Variants in PKIG observed in about 807,000 individuals in gnomAD.
The protein encoded by PKIG is protein kinase (cAMP-dependent, catalytic) inhibitor gamma.
A neutral mutation model predicts 6.8 loss-of-function variants in PKIG; 1 was observed. That is an observed-to-expected ratio of 0.15 (90% confidence interval 0.05 to 0.69). The LOEUF is 0.69. Among genes scored for constraint, PKIG ranks in the 30% least tolerant of loss-of-function variants. PKIG has a pLI of 0.82. For missense variants in PKIG, 77 were observed against 104.0 expected (o/e 0.74, Z 1.13); for synonymous variants, 39 against 43.0 (o/e 0.91, Z 0.36).
At chr20:44,539,637 T>G (rs1273096741) in intron 1 of PKIG, among the ~76,000 whole-genome samples, 2 of 152,032 alleles carry the variant, frequency 1.3e-5, no homozygotes, top group African/African-American at 4.8e-5. Flanking sequence ...CAGGCTGGTC[T>G]TGAACTTCTG....
rs933039878 is a variant in PKIG at position 44,563,815 on chromosome 20, G to A, written c.-240-18770G>A. 1.1e-4 allele frequency among the ~76,000 whole-genome samples: 17 copies of A among 152,256 alleles called. 1 individual carries two copies. The highest frequency in any genetic ancestry group is 3.4e-3 in the Middle Eastern group (1 of 294). Reference sequence around the variant, plus strand: ...CAAAGTGCTGGGATTACAGGCATGAGCCACTGCACCTGGCTGTCTGTCTTA... The same window carrying A: ...CAAAGTGCTGGGATTACAGGCATGAACCACTGCACCTGGCTGTCTGTCTTA... On this transcript the variant is annotated intron_variant, in intron 1 of 4. Transcript: ENST00000372887.
At chr20:44,548,895 CACACACACATAT>C (rs747884453) in intron 1 of PKIG, among the ~76,000 whole-genome samples, 18 of 141,724 alleles carry the variant, frequency 1.3e-4, no homozygotes, top group African/African-American at 4.8e-4. Flanking sequence ...CACACACACA[CACACACACATAT>C]ATCTGTCTGA....
intron 2 of PKIG, among the ~76,000 whole-genome samples, chr20:44,610,500 T>TCACACACA (rs559846553): frequency 0.028 from 3,787 of 135,416 alleles, 169 homozygotes; most frequent in Admixed American, 0.13. Context: ...TCTCTCTCTC[T>TCACACACA]CACACACACA....
intron 1 of PKIG, among the ~76,000 whole-genome samples, chr20:44,569,676 G>A (rs559315614): frequency 8.6e-5 from 13 of 151,882 alleles, no homozygotes; most frequent in Admixed American, 5.3e-4. Context: ...GCGCGATCTC[G>A]GCTCACTGCA....
At chr20:44,565,982 G>A (rs1389706638) in intron 1 of PKIG, among the ~76,000 whole-genome samples, 2 of 152,144 alleles carry the variant, frequency 1.3e-5, no homozygotes, top group East Asian at 1.9e-4. Context: ...GGCTGGTCTC[G>A]AACTCCTGAC....
At chr20:44,553,430 A>G (rs761111455) in intron 1 of PKIG, among the ~76,000 whole-genome samples, 28 of 152,124 alleles carry the variant, frequency 1.8e-4, no homozygotes, top group Non-Finnish European at 4.0e-4. Flanking sequence ...TGAACCTGGA[A>G]AGTTTGCTCT....
chr20:44,615,935 G>A lies in PKIG; in HGVS notation c.151+1228G>A, dbSNP rs561445626. Among the ~76,000 whole-genome samples, 13 of 152,200 alleles carry A rather than the reference G, an allele frequency of 8.5e-5. No homozygotes were observed. In the East Asian group the frequency reaches 1.4e-3, roughly 16 times the overall value. ...GAGAGAGAGCCCCCAGCACCCTGTC[G>A]ACGGAACCCCACCCCAAAAGCCTTC... On this transcript the variant is annotated intron_variant, in intron 3 of 3. Transcript: ENST00000372886.
chr20:44,542,287 G>T (rs893069694), intron 1 of PKIG, among the ~76,000 whole-genome samples: 1 of 152,116 alleles, frequency 6.6e-6, no homozygotes, highest in Non-Finnish European at 1.5e-5. Flanking sequence ...TCATGTGAGA[G>T]TTAATTGTTA....
At chr20:44,616,784 G>A (rs570625820) in intron 3 of PKIG, among the ~76,000 whole-genome samples, 10 of 152,290 alleles carry the variant, frequency 6.6e-5, no homozygotes, top group African/African-American at 2.2e-4. Context: ...TGCGGGCCAC[G>A]CCCACTCCAG....
At chr20:44,595,101 A>C (rs1280490096) in intron 2 of PKIG, among the ~76,000 whole-genome samples, 2 of 152,336 alleles carry the variant, frequency 1.3e-5, no homozygotes, top group East Asian at 3.9e-4. Flanking sequence ...GGGAGAGTTG[A>C]GGTCCAGAGC....
At chr20:44,564,277 C>G (rs914852622) in intron 1 of PKIG, 9 of 152,156 alleles carry the variant, frequency 5.9e-5, no homozygotes, top group Non-Finnish European at 1.2e-4. Context: ...AGGAATTACT[C>G]TCTTTTCACC....
chr20:44,538,290 C>T (rs986368326), intron 1 of PKIG, among the ~76,000 whole-genome samples: 9 of 152,160 alleles, frequency 5.9e-5, no homozygotes, highest in African/African-American at 2.2e-4. Flanking sequence ...CATTTTAGTC[C>T]TCCTAACAAT....
intron 1 of PKIG, among the ~76,000 whole-genome samples, chr20:44,558,981 T>G (rs2064743874): frequency 6.6e-6 from 1 of 152,158 alleles, no homozygotes; most frequent in Non-Finnish European, 1.5e-5. Context: ...CCTTATCACT[T>G]ATCACCTAAA....
upstream of PKIG, among the ~76,000 whole-genome samples, chr20:44,578,192 T>G (rs1327720158): frequency 6.6e-6 from 1 of 151,654 alleles, no homozygotes; most frequent in African/African-American, 2.4e-5. Context: ...TACAAAAAAA[T>G]TAGCCGGGCA....
intron 2 of PKIG, among the ~76,000 whole-genome samples, chr20:44,596,715 C>A (rs189479089): frequency 4.6e-5 from 7 of 152,298 alleles, no homozygotes; most frequent in African/African-American, 1.7e-4. Flanking sequence ...CCACTGCTGG[C>A]AGTGGCCGTG....
At chr20:44,616,535 C>T (rs1395590902) in intron 3 of PKIG, among the ~76,000 whole-genome samples, 1 of 152,210 alleles carries the variant, frequency 6.6e-6, no homozygotes, top group African/African-American at 2.4e-5. Context: ...TAGCTGCTGG[C>T]CCATGTGCCC....
At chr20:44,579,011 C>T (rs1461159875), upstream of PKIG, among the ~76,000 whole-genome samples, 1 of 152,066 alleles carries the variant, frequency 6.6e-6, no homozygotes, top group Non-Finnish European at 1.5e-5. Context: ...GTCTCTACAA[C>T]ATAAATAAAT....
chr20:44,606,848 T>G (rs2065167781), intron 2 of PKIG, among the ~76,000 whole-genome samples: 1 of 152,194 alleles, frequency 6.6e-6, no homozygotes, highest in African/African-American at 2.4e-5. Context: ...AGTTTGCCCC[T>G]TTTTGCCTTT....
chr20:44,576,158 A>AGTGTGT (rs3221821), intron 1 of PKIG, among the ~76,000 whole-genome samples: 9,290 of 140,496 alleles, frequency 0.066, 323 homozygotes, highest in South Asian at 0.1. Context: ...GACTAAGTAG[A>AGTGTGT]GTGTGTGTGT....
Sources: allele counts gnomAD v4.1 joint callset (sites outside exome capture counted in the v4.1 genomes callset), GRCh38; gene constraint gnomAD v4.1.1; transcripts MANE v1.5; gene names NCBI Gene and HGNC (gene_info 2026-07-23, HGNC 2026-07-21).